PCSK2: variants seen among roughly 807,000 people sequenced by gnomAD.
PCSK2 encodes the protein neuroendocrine convertase 2.
Under a neutral mutation model 69.7 loss-of-function variants are expected in PCSK2, and 14 were observed. The observed-to-expected ratio is 0.20, with a 90% confidence interval of 0.13 to 0.31. PCSK2 has a LOEUF of 0.31. PCSK2 is among the 10% of genes least tolerant of loss of function. The pLI, the probability that PCSK2 is intolerant of heterozygous loss-of-function variation, is 1.00. For missense variants in PCSK2, 544 were observed against 842.5 expected (o/e 0.65, Z 4.39); for synonymous variants, 307 against 320.7 (o/e 0.96, Z 0.46).
At chr20:17,436,336 C>T (rs1057087610) in intron 7 of PCSK2, among the ~76,000 whole-genome samples, 2 of 152,126 alleles carry the variant, frequency 1.3e-5, no homozygotes, top group African/African-American at 4.8e-5. Flanking sequence ...TATGTAGTAG[C>T]TTTATTTCTC....
chr20:17,377,085 G>T (rs1308969560), intron 5 of PCSK2, among the ~76,000 whole-genome samples: 1 of 152,182 alleles, frequency 6.6e-6, no homozygotes, highest in Non-Finnish European at 1.5e-5. Context: ...CAAGCCTGGA[G>T]AGAATACGAT....
intron 8 of PCSK2, among the ~76,000 whole-genome samples, chr20:17,442,395 T>G (rs13039651): frequency 0.66 from 100,678 of 151,674 alleles, 33,769 homozygotes; most frequent in African/African-American, 0.75. Context: ...GTGGTCCTTC[T>G]GTAGCAGCCC....
At position 17,382,783 on chromosome 20, in the gene PCSK2, A is replaced by G. The variant is rs556047580; in HGVS notation, c.543+13506A>G. 6.6e-5 allele frequency among the ~76,000 whole-genome samples: 10 copies of G among 152,184 alleles called. No individual in the cohort carries two copies. The East Asian group carries it at 1.4e-3, about 21-fold the overall frequency. On this transcript the variant is annotated intron_variant, in intron 5 of 11. Transcript: ENST00000262545. ...CATATCACTTCCATGCTTAAAACCAACAGGTGGCTCTCCCCCTTCCCTGTG... is the reference window on the plus strand; with the variant it reads ...CATATCACTTCCATGCTTAAAACCAGCAGGTGGCTCTCCCCCTTCCCTGTG...
rs141563173 is a variant in PCSK2 at position 17,278,271 on chromosome 20, G to A, written c.282+17927G>A. On this transcript the variant is annotated intron_variant, in intron 2 of 11. Transcript: ENST00000262545. ...TACTGCTGTAAAGACACATGCACAC[G>A]TATGTTTATTATGGCACTATTCACA... 8.5e-3 allele frequency among the ~76,000 whole-genome samples: 1,293 copies of A among 152,228 alleles called. 18 individuals are homozygous for A. Among genetic ancestry groups the A allele is most frequent in the African/African-American group, 0.029 (1,188 of 41,528 alleles).
chr20:17,303,466 A>AAATATAT (rs1989182147), intron 2 of PCSK2, among the ~76,000 whole-genome samples: 1 of 60,330 alleles, frequency 1.7e-5, no homozygotes, highest in South Asian at 3.9e-4. Flanking sequence ...TAAATATAAT[A>AAATATAT]TATATTATAT....
chr20:17,443,157 G>A (rs2032631400), intron 8 of PCSK2, among the ~76,000 whole-genome samples: 1 of 152,216 alleles, frequency 6.6e-6, no homozygotes, highest in Non-Finnish European at 1.5e-5. Flanking sequence ...AGTCCTCGAA[G>A]TGAACATCAT....
chr20:17,371,316 G>A (rs192112868), intron 5 of PCSK2, among the ~76,000 whole-genome samples: 1 of 152,146 alleles, frequency 6.6e-6, no homozygotes, highest in South Asian at 2.1e-4. Flanking sequence ...TTCATTGGGG[G>A]CAAGAATCCT....
chr20:17,415,282 A>C (rs1044616531), intron 6 of PCSK2, among the ~76,000 whole-genome samples: 9 of 152,222 alleles, frequency 5.9e-5, no homozygotes, highest in African/African-American at 2.2e-4. Flanking sequence ...ATATCTAGAA[A>C]ACCCCATCGT....
chr20:17,301,584 C>G (rs1989083944), intron 2 of PCSK2, among the ~76,000 whole-genome samples: 1 of 152,070 alleles, frequency 6.6e-6, no homozygotes, highest in Admixed American at 6.6e-5. Context: ...TGGGATATCA[C>G]CTTATATTAG....
chr20:17,394,989 G>A (rs1029859272), intron 5 of PCSK2, among the ~76,000 whole-genome samples: 1 of 152,156 alleles, frequency 6.6e-6, no homozygotes, highest in Non-Finnish European at 1.5e-5. Context: ...CATTAGCTGG[G>A]AACATAAACT....
chr20:17,234,739 G>T (rs556038623), intron 1 of PCSK2, among the ~76,000 whole-genome samples: 1 of 152,046 alleles, frequency 6.6e-6, no homozygotes, highest in Non-Finnish European at 1.5e-5. Flanking sequence ...AGATCATAAC[G>T]TCATAGCACA....
At chr20:17,434,047 C>T (rs981831309) in intron 7 of PCSK2, among the ~76,000 whole-genome samples, 18 of 142,004 alleles carry the variant, frequency 1.3e-4, no homozygotes, top group African/African-American at 4.8e-4. Context: ...CTCCCTCTCT[C>T]CCTCTCCTCT....
intron 2 of PCSK2, among the ~76,000 whole-genome samples, chr20:17,305,561 A>G (rs929229599): frequency 4.6e-5 from 7 of 152,162 alleles, no homozygotes; most frequent in African/African-American, 1.7e-4. Flanking sequence ...GGTCACTTTA[A>G]TTCTTTTACA....
At chr20:17,333,086 A>T (rs1263432484) in intron 2 of PCSK2, among the ~76,000 whole-genome samples, 2 of 152,162 alleles carry the variant, frequency 1.3e-5, no homozygotes, top group African/African-American at 4.8e-5. Context: ...TCACAACTGA[A>T]CTGTGGCTAT....
intron 4 of PCSK2, among the ~76,000 whole-genome samples, chr20:17,368,800 C>A (rs1600526583): frequency 1.3e-5 from 2 of 152,320 alleles, no homozygotes; most frequent in Non-Finnish European, 2.9e-5. Context: ...TACCTAATGG[C>A]TTTTCTTGCC....
chr20:17,277,286 G>T (rs974873106), intron 2 of PCSK2, among the ~76,000 whole-genome samples: 22 of 152,110 alleles, frequency 1.4e-4, no homozygotes, highest in Non-Finnish European at 3.1e-4. Flanking sequence ...AAAGAACAAA[G>T]CTGGAGGCAT....
intron 5 of PCSK2, among the ~76,000 whole-genome samples, chr20:17,381,155 T>C (rs2031076525): frequency 6.6e-6 from 1 of 152,228 alleles, no homozygotes; most frequent in Non-Finnish European, 1.5e-5. Flanking sequence ...ACCCTGCTGC[T>C]GACTCCCAAC....
intron 2 of PCSK2, among the ~76,000 whole-genome samples, chr20:17,303,010 T>A (rs1473209255): frequency 1.3e-5 from 2 of 151,774 alleles, no homozygotes; most frequent in East Asian, 1.9e-4. Flanking sequence ...CTTGAAAAAA[T>A]TTAATAAATC....
chr20:17,411,827 C>G (rs1167188612), intron 6 of PCSK2, among the ~76,000 whole-genome samples: 2 of 152,222 alleles, frequency 1.3e-5, no homozygotes, highest in East Asian at 1.9e-4. Flanking sequence ...GAGGAAAGAT[C>G]AGGCAGCAAT....
Sources: gnomAD v4.1 joint callset for allele counts (sites outside exome capture counted in the v4.1 genomes callset) on GRCh38, gnomAD v4.1.1 for gene constraint, MANE v1.5 for transcripts, NCBI Gene and HGNC (gene_info 2026-07-23, HGNC 2026-07-21) for gene names.